HHAT: variants seen among roughly 807,000 people sequenced by gnomAD.
HHAT encodes the protein protein-cysteine N-palmitoyltransferase HHAT.
A neutral mutation model predicts 70.8 loss-of-function variants in HHAT; 47 were observed. That is an observed-to-expected ratio of 0.66 (90% CI 0.53 to 0.85). The LOEUF (loss-of-function observed/expected upper bound fraction) is 0.85. Ranked by LOEUF, HHAT falls within the 40% of genes least tolerant of loss-of-function variation. The pLI is 0.00. For synonymous variants in HHAT, 228 were observed against 247.6 expected (o/e 0.92, Z 0.74); for missense variants, 609 against 604.8 (o/e 1.01, Z -0.07).
chr1:210,601,042 A>C (rs529485413), intron 10 of HHAT, among the ~76,000 whole-genome samples: 1 of 151,062 alleles, frequency 6.6e-6, no homozygotes, highest in East Asian at 2.0e-4. Flanking sequence ...GCCTCCAGTG[A>C]AAACCACCGA....
intron 3 of HHAT, chr1:210,374,244 T>C (rs771514195): frequency 2.7e-5 from 4 of 146,444 alleles, no homozygotes; most frequent in Admixed American, 6.8e-5. Flanking sequence ...GAAAGATTTA[T>C]TCGATCTGAA....
At chr1:210,532,730 G>A (rs569607948) in intron 9 of HHAT, among the ~76,000 whole-genome samples, 2 of 152,244 alleles carry the variant, frequency 1.3e-5, no homozygotes, top group East Asian at 3.9e-4. Flanking sequence ...GAGATAGAAA[G>A]GTAAGCAACT....
chr1:210,543,710 C>CT (rs1482169703), intron 9 of HHAT, among the ~76,000 whole-genome samples: 1 of 152,146 alleles, frequency 6.6e-6, no homozygotes, highest in Admixed American at 6.5e-5. Flanking sequence ...TTCCAAAGGC[C>CT]TTCCTGCTAT....
At chr1:210,629,101 T>C (rs1670391780) in intron 11 of HHAT, among the ~76,000 whole-genome samples, 1 of 152,168 alleles carries the variant, frequency 6.6e-6, no homozygotes, top group African/African-American at 2.4e-5. Flanking sequence ...GGTGATGAGG[T>C]TGACATGTAG....
chr1:210,551,534 T>C (rs2095527744), intron 9 of HHAT, among the ~76,000 whole-genome samples: 1 of 131,658 alleles, frequency 7.6e-6, no homozygotes, highest in Non-Finnish European at 1.5e-5. Context: ...TTTAAAGTGA[T>C]TAATGCTTTC....
intron 9 of HHAT, among the ~76,000 whole-genome samples, chr1:210,569,079 G>A (rs1169515185): frequency 6.6e-6 from 1 of 152,106 alleles, no homozygotes; most frequent in African/African-American, 2.4e-5. Context: ...GGTGTCAGAA[G>A]TATAGCAGCA....
At chr1:210,458,867 C>T (rs2093923166) in intron 7 of HHAT, among the ~76,000 whole-genome samples, 1 of 152,094 alleles carries the variant, frequency 6.6e-6, no homozygotes, top group Admixed American at 6.5e-5. Flanking sequence ...TATGACAAGG[C>T]AAGATTAAAC....
chr1:210,413,614 G>A (rs1166280097), intron 6 of HHAT, among the ~76,000 whole-genome samples: 1 of 152,112 alleles, frequency 6.6e-6, no homozygotes, highest in Non-Finnish European at 1.5e-5. Context: ...CACAAATTCT[G>A]CCTTCCACAA....
intron 7 of HHAT, among the ~76,000 whole-genome samples, chr1:210,449,784 G>A (rs1302054210): frequency 6.6e-6 from 1 of 152,152 alleles, no homozygotes; most frequent in African/African-American, 2.4e-5. Flanking sequence ...CATTGAAAAA[G>A]TGATGGTCAT....
intron 3 of HHAT, among the ~76,000 whole-genome samples, chr1:210,384,253 G>A (rs905697609): frequency 2.0e-5 from 3 of 152,148 alleles, no homozygotes; most frequent in Non-Finnish European, 2.9e-5. Context: ...AGTGAATTCC[G>A]AAGTCTGGGT....
At chr1:210,620,176 G>A (rs1668553632) in intron 10 of HHAT, among the ~76,000 whole-genome samples, 1 of 152,208 alleles carries the variant, frequency 6.6e-6, no homozygotes, top group Admixed American at 6.5e-5. Context: ...TGGCCCTGTG[G>A]CCCTAGAGAT....
intron 11 of HHAT, among the ~76,000 whole-genome samples, chr1:210,651,630 G>T (rs1055466832): frequency 6.6e-6 from 1 of 152,190 alleles, no homozygotes; most frequent in Non-Finnish European, 1.5e-5. Flanking sequence ...GTCGGTAGAA[G>T]CTGGAGGCTG....
rs78946213 is a variant in HHAT, at chr1:210,473,637, A to C, written c.1007+8982A>C. On this transcript the variant is annotated intron_variant, in intron 8 of 11. Transcript: ENST00000261458. ...AACAGCTGCCCTGATGGAGGAAGGA[A>C]GTGGAGGCTTTACCTGCTGCCCACA... Among the ~76,000 whole-genome samples, 1,176 of 152,282 alleles carry C rather than the reference A, an allele frequency of 7.7e-3. 14 individuals carry two copies. The highest frequency in any genetic ancestry group is 0.012 in the Non-Finnish European group (810 of 68,010).
chr1:210,558,751 G>GC (rs1305728450), intron 9 of HHAT, among the ~76,000 whole-genome samples: 1 of 152,096 alleles, frequency 6.6e-6, no homozygotes, highest in African/African-American at 2.4e-5. Context: ...TAGGAAAAAG[G>GC]CTTTTGAGCC....
At chr1:210,338,986 A>G (rs140598311) in intron 1 of HHAT, among the ~76,000 whole-genome samples, 404 of 152,164 alleles carry the variant, frequency 2.7e-3, no homozygotes, top group African/African-American at 8.9e-3. Flanking sequence ...TGGAGCTGCA[A>G]TGAGCTATGA....
chr1:210,588,295 G>A (rs1239896851), intron 10 of HHAT, 196 bp downstream of exon 10: 7 of 560,388 alleles, frequency 1.2e-5, no homozygotes, highest in Non-Finnish European at 1.6e-5. Flanking sequence ...GTGCATGGGT[G>A]TGTGTGTGTA....
At position 210,341,320 on chromosome 1, in the gene HHAT, AG is replaced by A. The variant is rs921621046; in HGVS notation, c.-43-7612del. On this transcript the variant is annotated intron_variant, in intron 1 of 11. Transcript: ENST00000261458. ...AAAAGCAGAAAAAATTTAAAATGGA[AG>A]TGTTGGAATCCATTAGTTGCCTGCA... Among the ~76,000 whole-genome samples, 12 of 152,322 alleles carry A rather than the reference AG, an allele frequency of 7.9e-5. 1 individual carries two copies. The highest frequency in any genetic ancestry group is 4.6e-4 in the Admixed American group (7 of 15,298).
intron 3 of HHAT, among the ~76,000 whole-genome samples, chr1:210,375,878 AT>A (rs1486461882): frequency 3.4e-5 from 5 of 146,708 alleles, no homozygotes; most frequent in Non-Finnish European, 7.5e-5. Flanking sequence ...AAAAAAAAAA[AT>A]CTCACTCTGT....
chr1:210,625,716 A>C (rs142767568), intron 11 of HHAT, among the ~76,000 whole-genome samples: 1 of 152,328 alleles, frequency 6.6e-6, no homozygotes, highest in East Asian at 1.9e-4. Flanking sequence ...CTCACCATAG[A>C]AGTTTGTTTC....
Sources: gnomAD v4.1 joint callset for allele counts (sites outside exome capture counted in the v4.1 genomes callset) on GRCh38, gnomAD v4.1.1 for gene constraint, MANE v1.5 for transcripts, NCBI Gene and HGNC (gene_info 2026-07-23, HGNC 2026-07-21) for gene names.